Variants in TNFRSF19 observed in about 807,000 individuals in gnomAD.
TNFRSF19 encodes the protein tumor necrosis factor receptor superfamily member 19.
In TNFRSF19, 27 loss-of-function variants were observed where a neutral mutation model predicts 46.4. That is an observed-to-expected ratio of 0.58 (90% CI 0.43 to 0.80). The LOEUF (loss-of-function observed/expected upper bound fraction) is 0.80. Among genes scored for constraint, TNFRSF19 ranks in the 30% least tolerant of loss-of-function variants. The pLI is 0.00. For missense variants in TNFRSF19, 511 were observed against 530.8 expected (o/e 0.96, Z 0.37); for synonymous variants, 204 against 205.0 (o/e 1.00, Z 0.04).
chr13:23,576,519 A>G (rs1877969331), intron 1 of TNFRSF19, among the ~76,000 whole-genome samples: 1 of 152,178 alleles, frequency 6.6e-6, no homozygotes, highest in Admixed American at 6.5e-5. Flanking sequence ...ACAACACTCA[A>G]ATGAGGGAAA....
intron 4 of TNFRSF19, among the ~76,000 whole-genome samples, chr13:23,616,612 C>T (rs750014393): frequency 2.6e-5 from 4 of 152,050 alleles, no homozygotes; most frequent in African/African-American, 7.2e-5. Flanking sequence ...GATGGAATTT[C>T]GCTCTTGTCA....
intron 3 of TNFRSF19, among the ~76,000 whole-genome samples, chr13:23,599,893 A>AG (rs1039182785): frequency 1.4e-5 from 2 of 147,254 alleles, no homozygotes; most frequent in African/African-American, 5.0e-5. Context: ...CTTGGCCAAG[A>AG]GGGGGGGTCC....
At chr13:23,617,283 G>A (rs1471719438) in intron 4 of TNFRSF19, among the ~76,000 whole-genome samples, 3 of 152,186 alleles carry the variant, frequency 2.0e-5, no homozygotes, top group Non-Finnish European at 2.9e-5. Flanking sequence ...GGGCAGGTGC[G>A]AACGCAGAAG....
intron 5 of TNFRSF19, among the ~76,000 whole-genome samples, chr13:23,658,423 A>G (rs1327654502): frequency 1.3e-5 from 2 of 152,058 alleles, no homozygotes; most frequent in African/African-American, 4.8e-5. Context: ...AATAAGATCT[A>G]TTTCTTGACT....
chr13:23,668,440 C>T (rs2138416315), intron 8 of TNFRSF19, among the ~76,000 whole-genome samples: 1 of 152,302 alleles, frequency 6.6e-6, no homozygotes, highest in South Asian at 2.1e-4. Flanking sequence ...ACCCAGGAAA[C>T]TGCATGTTTT....
At chr13:23,646,061 A>G (rs1267899627) in intron 5 of TNFRSF19, among the ~76,000 whole-genome samples, 2 of 152,184 alleles carry the variant, frequency 1.3e-5, no homozygotes, top group East Asian at 1.9e-4. Context: ...ACAGTTCTCA[A>G]ATCAAGCCAG....
chr13:23,617,086 GA>G (rs1375229271), intron 4 of TNFRSF19, among the ~76,000 whole-genome samples: 1 of 152,040 alleles, frequency 6.6e-6, no homozygotes, highest in Admixed American at 6.5e-5. Flanking sequence ...GCAAAGGCTT[GA>G]AGGAGACGAG....
rs766875639 is a variant in TNFRSF19 at position 23,669,006 on chromosome 13, C to T, written c.1154C>T (p.Ser385Leu). Reference sequence around the variant, plus strand: ...AGATATAACAACACACTGGTAGAATCAGCATCAACTCAGGATGCACTAACT... The same window carrying T: ...AGATATAACAACACACTGGTAGAATTAGCATCAACTCAGGATGCACTAACT... ...LSRYNNTLVESASTQDALTMR... is the reference protein window; with the variant it reads ...LSRYNNTLVELASTQDALTMR... Residue 385 changes from serine (S) to leucine (L), a missense_variant, in exon 9 of 10, where the codon TCA (serine) becomes TTA (leucine). This residue lies in a region of TNFRSF19 where 376 missense variants were observed against 372.7 expected (regional missense o/e 1.01). Coordinates refer to ENST00000248484, the MANE Select transcript of TNFRSF19 (RefSeq NM_148957.4). 6.2e-7 allele frequency: 1 copy of T among 1,614,208 alleles called. No individual in the cohort carries two copies. Among genetic ancestry groups the T allele is most frequent in the South Asian group, 1.1e-5 (1 of 91,078 alleles).
chr13:23,582,411 AT>A (rs1219790656), intron 1 of TNFRSF19, among the ~76,000 whole-genome samples: 8 of 152,004 alleles, frequency 5.3e-5, no homozygotes, highest in African/African-American at 7.3e-5. Context: ...AAAAAAAAAA[AT>A]AATAATAAAG....
At chr13:23,615,798 T>TC in intron 3 of TNFRSF19, 69 bp from the exon 4 acceptor site, 1 of 1,459,244 alleles carries the variant, frequency 6.9e-7, no homozygotes, top group Non-Finnish European at 9.2e-7. Flanking sequence ...CTTCGTTTCA[T>TC]CCTAGCGGTC....
intron 3 of TNFRSF19, among the ~76,000 whole-genome samples, chr13:23,603,478 C>A (rs1880306465): frequency 1.3e-5 from 2 of 151,940 alleles, no homozygotes; most frequent in Non-Finnish European, 2.9e-5. Context: ...TTCTGTGAGG[C>A]CAGAAATCAC....
At chr13:23,610,842 A>G (rs1880852589) in intron 3 of TNFRSF19, among the ~76,000 whole-genome samples, 1 of 149,126 alleles carries the variant, frequency 6.7e-6, no homozygotes, top group Non-Finnish European at 1.5e-5. Flanking sequence ...TTATCTATGC[A>G]TATATTTTCC....
intron 1 of TNFRSF19, chr13:23,579,348 G>A (rs1175154668): frequency 6.6e-6 from 1 of 152,652 alleles, no homozygotes; most frequent in Non-Finnish European, 1.5e-5. Context: ...GCGGGGCTCT[G>A]GGGTGGCGGC....
intron 5 of TNFRSF19, among the ~76,000 whole-genome samples, chr13:23,633,486 A>C (rs1433232911): frequency 6.6e-6 from 1 of 152,184 alleles, no homozygotes; most frequent in African/African-American, 2.4e-5. Context: ...TATTGAGGTA[A>C]ACAATTGTTT....
chr13:23,606,182 T>C (rs1178069623), intron 3 of TNFRSF19, among the ~76,000 whole-genome samples: 1 of 152,194 alleles, frequency 6.6e-6, no homozygotes, highest in Non-Finnish European at 1.5e-5. Context: ...AGGTGCTGTA[T>C]TTCATATTCC....
intron 4 of TNFRSF19, among the ~76,000 whole-genome samples, chr13:23,621,614 T>G (rs1402388072): frequency 1.3e-5 from 2 of 152,188 alleles, no homozygotes; most frequent in African/African-American, 4.8e-5. Context: ...ACAGCCAGAT[T>G]TTTTTAAAAT....
In TNFRSF19 at chr13:23,590,943, G is replaced by A. The variant is rs997575594; in HGVS notation, c.69+691G>A. Among the ~76,000 whole-genome samples, 3 of 152,166 alleles carry A rather than the reference G, an allele frequency of 2.0e-5. No homozygotes were observed. In the East Asian group the frequency reaches 5.8e-4, roughly 29 times the overall value. ...CACAGTTTATGAATAATTTAGAATAGATTTTTAAAAGTTATTATTTTATAT... is the reference window on the plus strand; with the variant it reads ...CACAGTTTATGAATAATTTAGAATAAATTTTTAAAAGTTATTATTTTATAT... On this transcript the variant is annotated intron_variant, in intron 2 of 9. Transcript: ENST00000248484.
intron 5 of TNFRSF19, among the ~76,000 whole-genome samples, chr13:23,643,914 C>A (rs1245987388): frequency 6.6e-6 from 1 of 152,186 alleles, no homozygotes; most frequent in Non-Finnish European, 1.5e-5. Flanking sequence ...CCCTTAGACA[C>A]AAGTTCATAC....
chr13:23,581,486 A>T (rs868406461), intron 1 of TNFRSF19, among the ~76,000 whole-genome samples: 15 of 152,266 alleles, frequency 9.9e-5, no homozygotes, highest in Middle Eastern at 3.4e-3. Flanking sequence ...AATAAGGAAC[A>T]TTGCTCACAT....
Sources: allele counts gnomAD v4.1 joint callset (sites outside exome capture counted in the v4.1 genomes callset), GRCh38; gene constraint gnomAD v4.1.1; regional missense constraint gnomAD v4.1.1; transcripts MANE v1.5; gene names NCBI Gene and HGNC (gene_info 2026-07-23, HGNC 2026-07-21).